CIAO3: variants seen among roughly 807,000 people sequenced by gnomAD.
CIAO3 encodes cytosolic iron-sulfur assembly component 3, also known as LET1 like/JFP15.
A neutral mutation model predicts 51.5 loss-of-function variants in CIAO3; 45 were observed. The ratio of observed to expected loss-of-function variants is 0.87; its 90% CI spans 0.69 to 1.12. CIAO3 has a LOEUF of 1.12. CIAO3 is among the 50% of genes most tolerant of loss of function. CIAO3 has a pLI of 0.00. For synonymous variants in CIAO3, 314 were observed against 269.3 expected (o/e 1.17, Z -1.63); for missense variants, 668 against 632.5 (o/e 1.06, Z -0.60).
At chr16:732,479 G>T in intron 7 of CIAO3, 106 bp from the exon 8 acceptor site, 1 of 1,328,406 alleles carries the variant, frequency 7.5e-7, no homozygotes, top group Non-Finnish European at 1.1e-6. Flanking sequence ...TTTGGCCCCA[G>T]AAGGCCCCAA....
Position 737,178 on chromosome 16 carries a change from C to T in CIAO3, c.306+8G>A. ...TAAAGCAGAGTCACCAGGCCGACCACTGCTTACCTTGTTAGCATCTAGAAC... is the reference window on the plus strand; with the variant it reads ...TAAAGCAGAGTCACCAGGCCGACCATTGCTTACCTTGTTAGCATCTAGAAC... On this transcript the variant is annotated splice_region_variant and intron_variant, in intron 3 of 10. Coordinates refer to ENST00000251588, the MANE Select transcript of CIAO3 (RefSeq NM_022493.3). This position sits in a 1 kb window ranked among gnomAD's most constrained non-coding sequence, Gnocchi z 5.3. The T allele has an allele frequency of 5.0e-6, 8 of 1,613,636 alleles. No homozygotes were observed. The highest frequency in any genetic ancestry group is 6.8e-6 in the Non-Finnish European group (8 of 1,179,980).
At position 734,618 on chromosome 16, in the gene CIAO3, C is replaced by T. The variant is rs531757274; in HGVS notation, c.574+119G>A. ...TTGTGCCAACATTTCCAACCCGTCC[C>T]GCAAAACCTGCTTGCGTCTCCACCC... On this transcript the variant is annotated intron_variant, in intron 5 of 10. Transcript: ENST00000251588. The T allele has an allele frequency of 2.6e-4, 404 of 1,568,168 alleles. 1 individual carries two copies. In the African/African-American group the frequency reaches 4.7e-3, roughly 18 times the overall value.
Position 734,180 on chromosome 16 carries a change from C to T in CIAO3, c.693+49G>A, listed in dbSNP as rs375030205. 240 of 1,547,692 alleles carry T rather than the reference C, an allele frequency of 1.6e-4. No individual in the cohort carries two copies. The Middle Eastern group carries it at 1.9e-3, about 12-fold the overall frequency. ...TCATGGCAAGAGGCCAGCAAAGTCA[C>T]TTCTGGCCGCTCCCCAGCCTGAGTC... On this transcript the variant is annotated intron_variant, in intron 6 of 10. Coordinates refer to ENST00000251588, the MANE Select transcript of CIAO3 (RefSeq NM_022493.3).
At chr16:730,688 C>G (rs1223985166) in intron 10 of CIAO3, 33 bp from the exon 11 acceptor site, 1 of 1,594,424 alleles carries the variant, frequency 6.3e-7, no homozygotes, top group South Asian at 1.1e-5. Flanking sequence ...GGGGTCACAG[C>G]CTGCGCCCCA....
chr16:740,300 A>G (rs970649254), intron 1 of CIAO3: 3 of 354,896 alleles, frequency 8.5e-6, no homozygotes, highest in Admixed American at 3.8e-5. Flanking sequence ...GCACCCAGAA[A>G]AGGGCGCCTG....
At position 730,485 on chromosome 16, in the gene CIAO3, C is replaced by T; in HGVS notation, c.1363G>A (p.Gly455Ser). Residue 455 changes from glycine (G) to serine (S), a missense_variant, in exon 11 of 11, where the codon GGT becomes AGT. Transcript: ENST00000251588. ...TGGTACTGCGTATGCAGCAAGCGAC[C>T]TGCACACTCCGAGTCCGTGCCCTGC... is the stretch of plus-strand genomic sequence containing the variant. ...WLQGTDSECA[G>S]RLLHTQYHAV... 1 of 1,609,256 alleles carries T rather than the reference C, an allele frequency of 6.2e-7. No homozygotes were observed.
At chr16:736,521 T>TTA in intron 3 of CIAO3, 123 bp from the exon 4 acceptor site, 2 of 1,105,980 alleles carry the variant, frequency 1.8e-6, no homozygotes, top group African/African-American at 3.2e-5. Flanking sequence ...CAAGAGTCTT[T>TTA]TTTTTTTTTT....
intron 6 of CIAO3, chr16:733,660 G>A (rs1157389859): frequency 3.6e-6 from 2 of 554,528 alleles, no homozygotes; most frequent in Non-Finnish European, 3.2e-6. Context: ...CTCCCTAACA[G>A]CCAAGTCCAG....
At position 740,143 on chromosome 16, in the gene CIAO3, A is replaced by C. The variant is rs923868224; in HGVS notation, c.67-405T>G. On this transcript the variant is annotated intron_variant, in intron 1 of 10. Coordinates refer to ENST00000251588, the MANE Select transcript of CIAO3 (RefSeq NM_022493.3). ...CCTCCTGCTCAGTGCCCGGGAAACA[A>C]GTGGATTTCTCTCTCTTCTCCTTGA... The C allele has an allele frequency of 3.1e-6, 4 of 1,288,748 alleles. No individual in the cohort carries two copies. In the Admixed American group the frequency reaches 9.2e-5, roughly 30 times the overall value. The allele number at this position is 1,288,748 out of a possible 1,614,324, so 79.8% of individuals were successfully genotyped here.
Position 733,325 on chromosome 16 carries a change from G to A in CIAO3, c.796C>T (p.Arg266Trp), listed in dbSNP as rs202093847. Residue 266 changes from arginine (R) to tryptophan (W), a missense_variant, in exon 7 of 11, where the codon CGG becomes TGG. Physicochemically the swap from Arg to Trp is moderately radical, Grantham distance 101 (BLOSUM62 -3). Transcript: ENST00000251588. ...PDFFNQEHQT[R>W]DVDCVLTTGE... ...GTTGTGAGGACACAGTCCACATCCC[G>A]TGTCTGGTGCTCCTGGTTGAAAAAG... The A allele has an allele frequency of 3.7e-6, 6 of 1,613,748 alleles. No individual in the cohort carries two copies. The highest frequency in any genetic ancestry group is 2.2e-5 in the East Asian group (1 of 44,892).
chr16:738,257 G>T (rs2041358423), intron 2 of CIAO3: 3 of 987,608 alleles, frequency 3.0e-6, no homozygotes, highest in Admixed American at 5.9e-5. Context: ...CCCCAGTGCT[G>T]GGCTGGAAAT....
chr16:739,887 T>C, intron 1 of CIAO3, 149 bp from the exon 2 acceptor site: 1 of 1,207,494 alleles, frequency 8.3e-7, no homozygotes, highest in Non-Finnish European at 1.2e-6. Context: ...CCCACCGTCT[T>C]CTTCCTGCCC....
intron 1 of CIAO3, chr16:740,239 C>T (rs2041377946): frequency 7.2e-6 from 4 of 554,722 alleles, no homozygotes; most frequent in Non-Finnish European, 8.9e-6. Context: ...GCCCGCCTCT[C>T]GCCCTGCTCA....
At position 737,416 on chromosome 16, in the gene CIAO3, A is replaced by C; in HGVS notation, c.163-87T>G. On this transcript the variant is annotated intron_variant, in intron 2 of 10. Transcript: ENST00000251588. This position sits in a 1 kb window ranked among gnomAD's most constrained non-coding sequence, Gnocchi z 5.3. ...GATAGTGGAGTCCAGCTCATAACCG[A>C]CAACCAACATGGCTGCTGGCTGGGC... 1 of 1,593,358 alleles carries C rather than the reference A, an allele frequency of 6.3e-7. No individual in the cohort carries two copies. Among genetic ancestry groups the C allele is most frequent in the Non-Finnish European group, 8.6e-7 (1 of 1,167,804 alleles).
chr16:738,671 A>G (rs1229516797), intron 2 of CIAO3, among the ~76,000 whole-genome samples: 1 of 145,352 alleles, frequency 6.9e-6, no homozygotes, highest in African/African-American at 2.6e-5. Flanking sequence ...TATTTTTTTG[A>G]GATGGAGTCT....
rs371518253 is a variant in CIAO3 at position 730,448 on chromosome 16, T to G, written c.1400A>C (p.Lys467Thr). Residue 467 changes from lysine (K) to threonine (T), a missense_variant, in exon 11 of 11, where the codon AAG becomes ACG. By Grantham distance (78) the Lys-to-Thr change is moderately conservative. Transcript: ENST00000251588. Reference protein sequence around the residue: ...LLHTQYHAVEKASTGLGIRW With the variant: ...LLHTQYHAVETASTGLGIRW ...CCGGATGCCCAGGCCAGTGCTGGCC[T>G]TCTCCACGGCGTGGTACTGCGTATG... The G allele has an allele frequency of 3.1e-6, 5 of 1,604,988 alleles. No homozygotes were observed. The highest frequency in any genetic ancestry group is 1.3e-5 in the African/African-American group (1 of 74,946).
At position 737,392 on chromosome 16, in the gene CIAO3, A is replaced by T; in HGVS notation, c.163-63T>A. 2 of 1,603,884 alleles carry T rather than the reference A, an allele frequency of 1.2e-6. No individual in the cohort carries two copies. Among genetic ancestry groups the T allele is most frequent in the Non-Finnish European group, 1.7e-6 (2 of 1,173,928 alleles). On this transcript the variant is annotated intron_variant, in intron 2 of 10. Transcript: ENST00000251588. The surrounding 1 kb of genome is among the most constrained non-coding windows in gnomAD (Gnocchi z 5.3). ...CTGCACGAGGACATGGAGACAGAGGATAGTGGAGTCCAGCTCATAACCGAC... is the reference window on the plus strand; with the variant it reads ...CTGCACGAGGACATGGAGACAGAGGTTAGTGGAGTCCAGCTCATAACCGAC...
In CIAO3 at chr16:734,366, C is replaced by T; in HGVS notation, c.575-19G>A. ...ATCCAGCCTGAGGTGACAGGGGGCA[C>T]ACGGGGCTGGCGGGGGCGCACGGCG... is the stretch of plus-strand genomic sequence containing the variant. On this transcript the variant is annotated intron_variant, in intron 5 of 10. Coordinates refer to ENST00000251588, the MANE Select transcript of CIAO3 (RefSeq NM_022493.3). The T allele has an allele frequency of 3.2e-6, 5 of 1,587,088 alleles. No homozygotes were observed. Among genetic ancestry groups the T allele is most frequent in the Non-Finnish European group, 4.3e-6 (5 of 1,164,104 alleles).
chr16:733,003 A>G, intron 7 of CIAO3: 1 of 403,174 alleles, frequency 2.5e-6, no homozygotes, highest in Non-Finnish European at 4.6e-6. Flanking sequence ...GGGGTGACTC[A>G]TGGGAGCTGA....
Sources: gnomAD v4.1 joint callset for allele counts (sites outside exome capture counted in the v4.1 genomes callset) on GRCh38, gnomAD v4.1.1 for gene constraint, Gnocchi (gnomAD v3.1) non-coding constraint, MANE v1.5 for transcripts, NCBI Gene and HGNC (gene_info 2026-07-23, HGNC 2026-07-21) for gene names.